DNAH7: variants seen among roughly 807,000 people sequenced by gnomAD.
DNAH7 encodes axonemal beta dynein heavy chain 7.
DNAH7 carries 397 observed loss-of-function variants against 444.6 expected under a neutral mutation model. That is an observed-to-expected ratio of 0.89 (90% CI 0.82 to 0.97). The LOEUF (loss-of-function observed/expected upper bound fraction) is 0.97. Among genes scored for constraint, DNAH7 ranks in the 50% least tolerant of loss-of-function variants. DNAH7 has a pLI of 0.00. For missense variants in DNAH7, 4,902 were observed against 4,800.8 expected, an observed-to-expected ratio of 1.02 and a Z score of -0.62; for synonymous variants, 1,636 against 1,624.4, an observed-to-expected ratio of 1.01 and a Z score of -0.17.
At chr2:195,882,015 T>C in intron 35 of DNAH7, 23 bp from the exon 36 acceptor site, 1 of 1,590,082 alleles carries the variant, frequency 6.3e-7, no homozygotes, top group South Asian at 1.1e-5. Flanking sequence ...AACAACCAAG[T>C]AATGAATGCT....
In DNAH7 at chr2:196,027,350, G is replaced by C. The variant is rs529640049; in HGVS notation, c.487-410C>G. ...TTAATTCCAGAAATATTATACAATA[G>C]GATTTAGGACATTTCCAACTGGCCT... On this transcript the variant is annotated intron_variant, in intron 6 of 64. Transcript: ENST00000312428. Among the ~76,000 whole-genome samples, 9 of 151,856 alleles carry C rather than the reference G, an allele frequency of 5.9e-5. No individual in the cohort carries two copies. The South Asian group carries it at 1.9e-3, about 32-fold the overall frequency.
intron 57 of DNAH7, among the ~76,000 whole-genome samples, chr2:195,791,502 T>C (rs909151584): frequency 2.2e-4 from 33 of 152,074 alleles, no homozygotes; most frequent in Admixed American, 3.3e-4. Context: ...GTTTGGAGAT[T>C]TCTTAAATAA....
chr2:195,772,008 G>T, intron 60 of DNAH7, 118 bp from the exon 61 acceptor site: 2 of 828,620 alleles, frequency 2.4e-6, no homozygotes, highest in Non-Finnish European at 3.9e-6. Context: ...TTTTATCCAT[G>T]ATCCATCTCC....
intron 49 of DNAH7, among the ~76,000 whole-genome samples, chr2:195,818,879 T>A (rs930540600): frequency 1.3e-4 from 20 of 152,198 alleles, no homozygotes; most frequent in Admixed American, 2.0e-4. Context: ...ATGTCTTTTT[T>A]TAATAATAAA....
In DNAH7 at chr2:195,847,904, A is replaced by T. The variant is rs1574554291; in HGVS notation, c.8782-2739T>A. Among the ~76,000 whole-genome samples, 6 of 152,288 alleles carry T rather than the reference A, an allele frequency of 3.9e-5. No individual in the cohort carries two copies. The South Asian group carries it at 1.2e-3, about 32-fold the overall frequency. On this transcript the variant is annotated intron_variant, in intron 46 of 64. Transcript: ENST00000312428. ...CAGTTTGTGAGACTCTACCTGGGGG[A>T]CAGTCTGTAGGATGCTCAGGAACCC...
chr2:195,978,780 T>C lies in DNAH7; in HGVS notation c.1833+5852A>G, dbSNP rs182116293. Among the ~76,000 whole-genome samples, 8 of 152,190 alleles carry C rather than the reference T, an allele frequency of 5.3e-5. No homozygotes were observed. In the East Asian group the frequency reaches 1.5e-3, roughly 29 times the overall value. On this transcript the variant is annotated intron_variant, in intron 15 of 64. Coordinates refer to ENST00000312428, the MANE Select transcript of DNAH7 (RefSeq NM_018897.3). ...AAAAGAGACCCGGAGTAGCTACACG[T>C]ATATCAGAAAAAGTAGATTTCAAGA...
In DNAH7 at chr2:195,854,454, T is replaced by C. The variant is rs185437027; in HGVS notation, c.8596-926A>G. 1.8e-4 allele frequency among the ~76,000 whole-genome samples: 28 copies of C among 152,340 alleles called. No homozygotes were observed. The East Asian group carries it at 5.2e-3, about 28-fold the overall frequency. Reference sequence around the variant, plus strand: ...TAAAAGATGTATAATTCTGTATCAATTTATCTAAAGATAGATTTGAAAAAA... The same window carrying C: ...TAAAAGATGTATAATTCTGTATCAACTTATCTAAAGATAGATTTGAAAAAA... On this transcript the variant is annotated intron_variant, in intron 45 of 64. Transcript: ENST00000312428.
intron 63 of DNAH7, 126 bp from the exon 64 acceptor site, chr2:195,740,995 T>G (rs1692996044): frequency 9.9e-6 from 4 of 405,260 alleles, no homozygotes; most frequent in Non-Finnish European, 1.7e-5. Flanking sequence ...AGATTTGTTC[T>G]CCAATGAAAG....
In DNAH7 at chr2:195,816,800, C is replaced by T. The variant is rs371974315; in HGVS notation, c.9589G>A (p.Asp3197Asn). 4 of 1,614,006 alleles carry T rather than the reference C, an allele frequency of 2.5e-6. No individual in the cohort carries two copies. The African/African-American group carries it at 4.0e-5, about 16-fold the overall frequency. The change falls in exon 51 of 65, where the codon GAC (aspartate) becomes AAC (asparagine). Residue 3197 changes from aspartate to asparagine, a missense_variant. Transcript: ENST00000312428. Reference protein sequence around the residue: ...EVAEETEKKIDTTRMGYRPIA... With the variant: ...EVAEETEKKINTTRMGYRPIA... ...GGACGATAGCCCATGCGGGTGGTGT[C>T]AATCTTTTTCTCTGTCTCTTCGGCT... is the stretch of plus-strand genomic sequence containing the variant.
chr2:196,053,963 G>C lies in DNAH7; in HGVS notation c.79-2714C>G, dbSNP rs1175140102. Among the ~76,000 whole-genome samples, 4 of 152,156 alleles carry C rather than the reference G, an allele frequency of 2.6e-5. No homozygotes were observed. The South Asian group carries it at 6.2e-4, about 24-fold the overall frequency. On this transcript the variant is annotated intron_variant, in intron 2 of 64. Coordinates refer to ENST00000312428, the MANE Select transcript of DNAH7 (RefSeq NM_018897.3). ...AAGCCCATGTGTTCCCACTGGCATAGCTATAAGATGCAGCGCTACCTGACC... is the reference window on the plus strand; with the variant it reads ...AAGCCCATGTGTTCCCACTGGCATACCTATAAGATGCAGCGCTACCTGACC...
intron 24 of DNAH7, 40 bp from the exon 25 acceptor site, chr2:195,910,235 G>T (rs543407764): frequency 7.1e-7 from 1 of 1,417,708 alleles, no homozygotes; most frequent in South Asian, 1.5e-5. Flanking sequence ...AGAATAATGT[G>T]ATTTTTTTTC....
At chr2:195,829,784 C>T (rs1050929334) in intron 48 of DNAH7, among the ~76,000 whole-genome samples, 1 of 151,878 alleles carries the variant, frequency 6.6e-6, no homozygotes, top group Non-Finnish European at 1.5e-5. Flanking sequence ...TTAAATATTA[C>T]AGACTTGATT....
In DNAH7 at chr2:195,906,647, C is replaced by T. The variant is rs1687043347; in HGVS notation, c.4335+12G>A. 1 of 1,606,606 alleles carries T rather than the reference C, an allele frequency of 6.2e-7. No homozygotes were observed. The highest frequency in any genetic ancestry group is 1.1e-5 in the South Asian group (1 of 89,796). ...AGAGAAGAAATAGATTATATAATAA[C>T]TCCTTCCATACCTTCAGGTTATCTG... On this transcript the variant is annotated intron_variant, in intron 27 of 64. Transcript: ENST00000312428.
At chr2:195,840,638 A>C (rs1698628843) in intron 47 of DNAH7, among the ~76,000 whole-genome samples, 1 of 151,888 alleles carries the variant, frequency 6.6e-6, no homozygotes, top group Admixed American at 6.6e-5. Context: ...CAGAACTAAT[A>C]AATGAGTTTA....
At chr2:195,820,941 G>A (rs915973841) in intron 49 of DNAH7, among the ~76,000 whole-genome samples, 1 of 152,156 alleles carries the variant, frequency 6.6e-6, no homozygotes, top group African/African-American at 2.4e-5. Flanking sequence ...TTCCTCTCAA[G>A]GCTCTGCTAG....
At chr2:195,782,898 C>A (rs1012566184) in intron 58 of DNAH7, among the ~76,000 whole-genome samples, 2 of 152,148 alleles carry the variant, frequency 1.3e-5, no homozygotes, top group Non-Finnish European at 2.9e-5. Flanking sequence ...GCACAAGGCC[C>A]CCCCTTTAAA....
chr2:195,824,195 A>T, intron 49 of DNAH7, 60 bp downstream of exon 49: 1 of 1,433,324 alleles, frequency 7.0e-7, no homozygotes, highest in Non-Finnish European at 9.4e-7. Flanking sequence ...ATGACTCAGG[A>T]GGAATATATA....
At chr2:195,885,028 T>C (rs1026583318) in intron 34 of DNAH7, among the ~76,000 whole-genome samples, 1 of 152,190 alleles carries the variant, frequency 6.6e-6, no homozygotes, top group Non-Finnish European at 1.5e-5. Context: ...AAACAAAGTA[T>C]ACATTCTGGC....
chr2:195,908,975 C>A (rs550082032), intron 25 of DNAH7, among the ~76,000 whole-genome samples: 1 of 152,086 alleles, frequency 6.6e-6, no homozygotes, highest in South Asian at 2.1e-4. Context: ...TTAATGTTAA[C>A]TTTTTCTGGA....
Sources: allele counts gnomAD v4.1 joint callset (sites outside exome capture counted in the v4.1 genomes callset), GRCh38; gene constraint gnomAD v4.1.1; transcripts MANE v1.5; gene names NCBI Gene and HGNC (gene_info 2026-07-23, HGNC 2026-07-21).